STRBP: variants seen among roughly 807,000 people sequenced by gnomAD.
STRBP encodes the protein spermatid perinuclear RNA-binding protein.
STRBP carries 13 observed loss-of-function variants against 80.1 expected under a neutral mutation model. The observed-to-expected ratio is 0.16, with a 90% CI of 0.11 to 0.26. The LOEUF is 0.26. Among genes scored for constraint, STRBP ranks in the 10% least tolerant of loss-of-function variants. STRBP has a pLI of 1.00. For missense variants in STRBP, 485 were observed against 815.2 expected (o/e 0.59, Z 4.93); for synonymous variants, 284 against 291.2 (o/e 0.98, Z 0.25).
intron 1 of STRBP, among the ~76,000 whole-genome samples, chr9:123,257,282 T>C (rs1345485300): frequency 6.6e-6 from 1 of 152,144 alleles, no homozygotes; most frequent in Non-Finnish European, 1.5e-5. Context: ...TCTATTTGTT[T>C]TCCATGGCTG....
chr9:123,135,427 G>A (rs1257076086), intron 16 of STRBP, among the ~76,000 whole-genome samples: 1 of 152,082 alleles, frequency 6.6e-6, no homozygotes, highest in Non-Finnish European at 1.5e-5. Flanking sequence ...ACTAGAAAAT[G>A]TTTTTTGAAT....
intron 6 of STRBP, among the ~76,000 whole-genome samples, chr9:123,167,125 TC>T (rs1349009009): frequency 6.6e-6 from 1 of 152,094 alleles, no homozygotes; most frequent in African/African-American, 2.4e-5. Flanking sequence ...TTTTTTTTCT[TC>T]CTTTTTTAGA....
intron 2 of STRBP, among the ~76,000 whole-genome samples, chr9:123,190,560 T>C (rs1588073493): frequency 6.6e-6 from 1 of 152,162 alleles, no homozygotes; most frequent in Non-Finnish European, 1.5e-5. Flanking sequence ...TTCCGGCTAT[T>C]CCTCCTTACC....
chr9:123,131,904 G>A (rs191861870), intron 17 of STRBP, among the ~76,000 whole-genome samples: 34 of 152,284 alleles, frequency 2.2e-4, no homozygotes, highest in African/African-American at 7.0e-4. Flanking sequence ...AACCCTTAGG[G>A]ATGTTACCTA....
intron 2 of STRBP, among the ~76,000 whole-genome samples, chr9:123,197,031 T>C (rs763191516): frequency 2.0e-5 from 3 of 152,196 alleles, no homozygotes; most frequent in South Asian, 2.1e-4. Context: ...ATGGTACATA[T>C]ACATAATGGA....
intron 1 of STRBP, among the ~76,000 whole-genome samples, chr9:123,241,071 C>T (rs1043903538): frequency 4.0e-5 from 6 of 151,120 alleles, no homozygotes; most frequent in Non-Finnish European, 5.9e-5. Flanking sequence ...CCCAGCTACT[C>T]GGGAGGCTGA....
chr9:123,166,306 G>T (rs530996664), intron 6 of STRBP, among the ~76,000 whole-genome samples: 1 of 152,158 alleles, frequency 6.6e-6, no homozygotes, highest in Non-Finnish European at 1.5e-5. Context: ...TCAATAAGTT[G>T]ACTACTACTA....
At position 123,163,001 on chromosome 9, in the gene STRBP, C is replaced by T. The variant is rs373287519; in HGVS notation, c.536-1933G>A. 1.1e-3 allele frequency among the ~76,000 whole-genome samples: 168 copies of T among 152,214 alleles called. 1 individual carries two copies. The highest frequency in any genetic ancestry group is 7.9e-3 in the South Asian group (38 of 4,816). On this transcript the variant is annotated intron_variant, in intron 6 of 18. Transcript: ENST00000348403. The stretch of plus-strand genomic sequence containing the variant: ...TGTTTACATTCTCTTAAAAGTTAGA[C>T]GTAACAAAGGTTGACTAACTACTAA...
At chr9:123,118,782 T>G (rs2035685356), downstream of STRBP, among the ~76,000 whole-genome samples, 1 of 152,196 alleles carries the variant, frequency 6.6e-6, no homozygotes, top group South Asian at 2.1e-4. Context: ...CAATCTATGT[T>G]CCCCACTTAG....
intron 2 of STRBP, among the ~76,000 whole-genome samples, chr9:123,187,648 T>C (rs556477195): frequency 5.9e-5 from 9 of 152,292 alleles, no homozygotes; most frequent in Admixed American, 2.6e-4. Flanking sequence ...CACTTTTTAA[T>C]TGAGCACTTT....
intron 1 of STRBP, 55 bp downstream of exon 1, chr9:123,268,381 C>G (rs2041325621): frequency 1.3e-5 from 2 of 150,422 alleles, no homozygotes; most frequent in South Asian, 3.5e-4. Context: ...GCCTTAACCG[C>G]CGCCCGCCCG....
chr9:123,228,987 T>C (rs531453379), intron 2 of STRBP, among the ~76,000 whole-genome samples: 1 of 152,336 alleles, frequency 6.6e-6, no homozygotes, highest in South Asian at 2.1e-4. Flanking sequence ...TATTCATAAA[T>C]GGAATATTAG....
chr9:123,124,833 T>A lies in STRBP; in HGVS notation c.*764A>T. 1 of 985,452 alleles carries A rather than the reference T, an allele frequency of 1.0e-6. No homozygotes were observed. The highest frequency in any genetic ancestry group is 1.2e-6 in the Non-Finnish European group (1 of 829,914). The allele number at this position is 985,452 out of a possible 1,614,324, so 61.0% of individuals were successfully genotyped here. Reference sequence around the variant, plus strand: ...AATAAGCAATGCTCAAATAACAGAATGGAACCTTTATCATGGGGATGGCCC... The same window carrying A: ...AATAAGCAATGCTCAAATAACAGAAAGGAACCTTTATCATGGGGATGGCCC... On this transcript the variant is annotated 3_prime_UTR_variant, in exon 19 of 19. Transcript: ENST00000348403.
intron 2 of STRBP, among the ~76,000 whole-genome samples, chr9:123,199,785 T>C (rs1165037336): frequency 1.3e-5 from 2 of 152,178 alleles, no homozygotes; most frequent in Non-Finnish European, 1.5e-5. Flanking sequence ...TTTATGACTT[T>C]CTAGCCATAC....
intron 2 of STRBP, among the ~76,000 whole-genome samples, chr9:123,235,160 T>C (rs1470042715): frequency 6.6e-6 from 1 of 151,986 alleles, no homozygotes; most frequent in African/African-American, 2.4e-5. Flanking sequence ...AAAGAGGCAA[T>C]GACAGAATTT....
rs2035543721 is a variant in STRBP at position 123,110,294 on chromosome 9, A to C, written c.*85-541T>G. 6.4e-6 allele frequency: 1 copy of C among 155,100 alleles called. No homozygotes were observed. Among genetic ancestry groups the C allele is most frequent in the African/African-American group, 2.4e-5 (1 of 41,448 alleles). 9.6% of individuals were successfully genotyped at this position (155,100 alleles called of 1,614,324 possible). The stretch of plus-strand genomic sequence containing the variant: ...ACACAGGCATGGGGCTGCAGGGCTA[A>C]CGGTATGATGAACCTGGCCCTAGGC... On this transcript the variant is annotated intron_variant and NMD_transcript_variant, in intron 3 of 3. Transcript: ENST00000471564. This position sits in a 1 kb window ranked among gnomAD's most constrained non-coding sequence, Gnocchi z 4.1.
Position 123,200,359 on chromosome 9 carries a change from A to C in STRBP, c.-164-16061T>G, listed in dbSNP as rs1441933460. On this transcript the variant is annotated intron_variant, in intron 2 of 18. Transcript: ENST00000348403. ...ATTTTTGCATCTATGTTCATCACAA[A>C]AATTGCTCTGCAGTTTTCTTCTTTT... Among the ~76,000 whole-genome samples the C allele has an allele frequency of 3.3e-5, 5 of 152,150 alleles. No individual in the cohort carries two copies. The East Asian group carries it at 7.7e-4, about 23-fold the overall frequency.
intron 5 of STRBP, 133 bp from the exon 6 acceptor site, chr9:123,170,179 G>A: frequency 1.3e-6 from 1 of 771,766 alleles, no homozygotes; most frequent in South Asian, 2.1e-5. Flanking sequence ...AAGAAAGCCT[G>A]TAACTAGTTC....
Position 123,268,475 on chromosome 9 carries a change from C to A in STRBP, c.-341G>T. On this transcript the variant is annotated 5_prime_UTR_variant, in exon 1 of 19. Transcript: ENST00000348403. ...TCTGCCCGCGCCCGGTACCCGCTCC[C>A]GCTCCGCCGCCGCCGCCACCTCGCC... 1 of 162,484 alleles carries A rather than the reference C, an allele frequency of 6.2e-6. No individual in the cohort carries two copies. Among genetic ancestry groups the A allele is most frequent in the Admixed American group, 6.5e-5 (1 of 15,306 alleles). 10.1% of individuals were successfully genotyped at this position (162,484 alleles called of 1,614,324 possible).
Sources: allele counts gnomAD v4.1 joint callset (sites outside exome capture counted in the v4.1 genomes callset), GRCh38; gene constraint gnomAD v4.1.1; non-coding constraint Gnocchi (gnomAD v3.1); transcripts MANE v1.5; gene names NCBI Gene and HGNC (gene_info 2026-07-23, HGNC 2026-07-21).